The following IL1RAPL2 variants were observed in gnomAD, a reference collection of about 807,000 sequenced individuals.
The protein encoded by IL1RAPL2 is interleukin 1 receptor accessory protein like 2.
In IL1RAPL2, 3 loss-of-function variants were observed where a neutral mutation model predicts 44.1. The observed-to-expected ratio is 0.07, with a 90% CI of 0.03 to 0.18. The LOEUF (loss-of-function observed/expected upper bound fraction) is 0.18, where lower values mean the gene tolerates loss of function less well. Among genes scored for constraint, IL1RAPL2 ranks in the 10% least tolerant of loss-of-function variants. The probability of loss-of-function intolerance (pLI) is 1.00; values close to 1 mark genes in which losing one functional copy is unlikely to be tolerated. For synonymous variants in IL1RAPL2, 181 were observed against 178.8 expected (o/e 1.01, Z -0.10); for missense variants, 391 against 496.4 (o/e 0.79, Z 2.02).
At chrX:104,604,122 A>G (rs1408482639) in intron 1 of IL1RAPL2, among the ~76,000 whole-genome samples, 2 of 112,305 alleles carry the variant, frequency 1.8e-5, no homozygotes, top group African/African-American at 3.2e-5. Flanking sequence ...CAGAAACCCT[A>G]CAAGCCAGAA....
intron 2 of IL1RAPL2, among the ~76,000 whole-genome samples, chrX:104,798,588 C>A (rs765005405): frequency 9.0e-6 from 1 of 111,330 alleles, no homozygotes; most frequent in African/African-American, 3.3e-5. Context: ...ATGGTGTGAA[C>A]CCGGGAGGCG....
intron 1 of IL1RAPL2, among the ~76,000 whole-genome samples, chrX:104,602,535 G>C (rs1928905312): frequency 9.0e-6 from 1 of 111,566 alleles, no homozygotes; most frequent in African/African-American, 3.3e-5. Context: ...GGTCTGACTC[G>C]GCGGGTCCCA....
intron 2 of IL1RAPL2, among the ~76,000 whole-genome samples, chrX:105,124,177 G>A (rs777330030): frequency 9.0e-6 from 1 of 111,137 alleles, no homozygotes; most frequent in African/African-American, 3.3e-5. Flanking sequence ...CCTTTATGCT[G>A]CCAGTAGCCC....
chrX:104,768,232 T>G lies in IL1RAPL2; in HGVS notation c.82+109237T>G, dbSNP rs1332078625. ...TATACATACCTGGTTGTACAATATA[T>G]CTCTTGAATGCTTTCCTCCTATCTA... On this transcript the variant is annotated intron_variant, in intron 2 of 10. Coordinates refer to ENST00000372582, the MANE Select transcript of IL1RAPL2 (RefSeq NM_017416.2). 2.7e-5 allele frequency among the ~76,000 whole-genome samples: 3 copies of G among 111,435 alleles called. No homozygotes were observed. The Admixed American group carries it at 2.9e-4, about 11-fold the overall frequency.
At chrX:104,991,963 G>T (rs1443978268) in intron 2 of IL1RAPL2, among the ~76,000 whole-genome samples, 1 of 111,310 alleles carries the variant, frequency 9.0e-6, no homozygotes, top group Non-Finnish European at 1.9e-5. Context: ...AAAATAAGGA[G>T]ATTTGGACAG....
chrX:104,600,111 G>A (rs1928850857), intron 1 of IL1RAPL2, among the ~76,000 whole-genome samples: 1 of 112,424 alleles, frequency 8.9e-6, no homozygotes, highest in South Asian at 3.7e-4. Flanking sequence ...GCCATAGAAA[G>A]CGGGGAATAG....
intron 1 of IL1RAPL2, among the ~76,000 whole-genome samples, chrX:104,598,545 T>A (rs1569277803): frequency 4.5e-5 from 5 of 111,996 alleles, no homozygotes; most frequent in African/African-American, 1.3e-4. Flanking sequence ...ATCTTTGTGT[T>A]CCTTTTACCT....
intron 2 of IL1RAPL2, among the ~76,000 whole-genome samples, chrX:105,014,029 C>G (rs73516234): frequency 0.028 from 3,101 of 111,688 alleles, 113 homozygotes; most frequent in African/African-American, 0.094. Flanking sequence ...ACTGAAGTAC[C>G]TGGAATGTGG....
intron 6 of IL1RAPL2, among the ~76,000 whole-genome samples, chrX:105,601,492 T>C (rs2037251784): frequency 9.0e-6 from 1 of 110,917 alleles, no homozygotes; most frequent in Admixed American, 9.6e-5. Context: ...CTTGGAGCCA[T>C]GATAGACTCC....
chrX:105,240,803 T>G (rs1556207371), intron 4 of IL1RAPL2, among the ~76,000 whole-genome samples: 4 of 112,305 alleles, frequency 3.6e-5, no homozygotes, highest in African/African-American at 1.3e-4. Flanking sequence ...TTAATGAAAT[T>G]CATTAAAATA....
chrX:105,070,554 C>T (rs903342488), intron 2 of IL1RAPL2, among the ~76,000 whole-genome samples: 1 of 109,556 alleles, frequency 9.1e-6, no homozygotes, highest in African/African-American at 3.3e-5. Flanking sequence ...ATTAGTCAGG[C>T]ATGGTGGTGA....
chrX:104,781,382 TA>T (rs1324594240), intron 2 of IL1RAPL2, among the ~76,000 whole-genome samples: 1 of 112,275 alleles, frequency 8.9e-6, no homozygotes, highest in Non-Finnish European at 1.9e-5. Context: ...CAGATGTTTT[TA>T]AACAGTTGAC....
Position 104,582,638 on chromosome X carries a change from TTCTC to T in IL1RAPL2, c.-20+15591_-20+15594del, listed in dbSNP as rs759890036. Among the ~76,000 whole-genome samples, 270 of 84,466 alleles carry T rather than the reference TTCTC, an allele frequency of 3.2e-3. 4 individuals carry two copies. The highest frequency in any genetic ancestry group is 0.016 in the African/African-American group (259 of 16,019). The allele number at this position is 84,466 out of a possible 115,157, so 73.3% of individuals were successfully genotyped here. On this transcript the variant is annotated intron_variant, in intron 1 of 10. Coordinates refer to ENST00000372582, the MANE Select transcript of IL1RAPL2 (RefSeq NM_017416.2). ...TTTCTTTCTTTCTTTCTTTCTTTCT[TTCTC>T]TCTTTCTTTCTTTCTTTTTTTTCTT...
intron 6 of IL1RAPL2, among the ~76,000 whole-genome samples, chrX:105,528,235 T>C (rs2036607435): frequency 9.0e-6 from 1 of 111,702 alleles, no homozygotes; most frequent in African/African-American, 3.2e-5. Context: ...TTTTTATCTG[T>C]TATCTCATTT....
chrX:105,138,558 A>G (rs2033098675), intron 2 of IL1RAPL2, among the ~76,000 whole-genome samples: 2 of 110,297 alleles, frequency 1.8e-5, no homozygotes, highest in Admixed American at 1.9e-4. Context: ...TTAGAGGAAG[A>G]AAGAACTCCT....
At chrX:105,411,190 A>G (rs2035693011) in intron 5 of IL1RAPL2, among the ~76,000 whole-genome samples, 1 of 111,747 alleles carries the variant, frequency 8.9e-6, no homozygotes, top group Non-Finnish European at 1.9e-5. Flanking sequence ...GAAAGAAAAC[A>G]AAACTTAACA....
At chrX:104,645,340 G>A (rs1183751471) in intron 1 of IL1RAPL2, among the ~76,000 whole-genome samples, 1 of 111,362 alleles carries the variant, frequency 9.0e-6, no homozygotes, top group Non-Finnish European at 1.9e-5. Context: ...AACTCAATCT[G>A]TACATGATCT....
chrX:105,213,219 T>C (rs1448594796), intron 3 of IL1RAPL2, among the ~76,000 whole-genome samples: 1 of 109,475 alleles, frequency 9.1e-6, no homozygotes, highest in Non-Finnish European at 1.9e-5. Flanking sequence ...GCAAATAAGC[T>C]AAGAACCTGA....
At chrX:105,538,372 T>C (rs2036695180) in intron 6 of IL1RAPL2, among the ~76,000 whole-genome samples, 1 of 110,109 alleles carries the variant, frequency 9.1e-6, no homozygotes, top group African/African-American at 3.3e-5. Context: ...CCCATCAACA[T>C]TAACCTGCCT....
Sources: allele counts gnomAD v4.1 joint callset (sites outside exome capture counted in the v4.1 genomes callset), GRCh38; gene constraint gnomAD v4.1.1; transcripts MANE v1.5; gene names NCBI Gene and HGNC (gene_info 2026-07-23, HGNC 2026-07-21).